Variants in GTF3C5 observed in about 807,000 individuals in gnomAD.
GTF3C5 encodes general transcription factor IIIC subunit 5, also known as general transcription factor 3C polypeptide 5.
A neutral mutation model predicts 61.0 loss-of-function variants in GTF3C5; 47 were observed. The ratio of observed to expected loss-of-function variants is 0.77; its 90% confidence interval spans 0.61 to 0.98. The LOEUF is 0.98. Among genes scored for constraint, GTF3C5 ranks in the 50% least tolerant of loss-of-function variants. The pLI, the probability that GTF3C5 is intolerant of heterozygous loss-of-function variation, is 0.00. For missense variants in GTF3C5, 659 were observed against 703.3 expected (o/e 0.94, Z 0.71); for synonymous variants, 295 against 275.4 (o/e 1.07, Z -0.71).
At position 133,042,156 on chromosome 9, in the gene GTF3C5, T is replaced by C; in HGVS notation, c.223T>C (p.Cys75Arg). The C allele has an allele frequency of 6.2e-7, 1 of 1,613,982 alleles. No individual in the cohort carries two copies. The highest frequency in any genetic ancestry group is 2.2e-5 in the East Asian group (1 of 44,882). ...RPKDPYCHPV[C>R]ANRFSTSSLL... ...CAAGGACCCATACTGCCACCCAGTG[T>C]GCGCCAACCGCTTCAGTACCAGCAG... The change falls in exon 2 of 11, where the codon TGC becomes CGC. Residue 75 changes from cysteine to arginine, a missense_variant. Physicochemically the swap from Cys to Arg is radical, Grantham distance 180. Coordinates refer to ENST00000372097, the MANE Select transcript of GTF3C5 (RefSeq NM_012087.4).
At chr9:133,038,580 AG>A (rs2118982237) in intron 1 of GTF3C5, among the ~76,000 whole-genome samples, 1 of 150,070 alleles carries the variant, frequency 6.7e-6, no homozygotes, top group South Asian at 2.1e-4. Flanking sequence ...CCTCCTGAGT[AG>A]CTGGGATTAT....
In GTF3C5 at chr9:133,054,915, C is replaced by T. The variant is rs771864686; in HGVS notation, c.1167+106C>T. ...CTGTGATTAGGGCAGCTCTGCCCACCGGGGCCTCGGCACCTTGCTTCCTTT... is the reference window on the plus strand; with the variant it reads ...CTGTGATTAGGGCAGCTCTGCCCACTGGGGCCTCGGCACCTTGCTTCCTTT... On this transcript the variant is annotated intron_variant, in intron 8 of 10. Transcript: ENST00000372097. 256 of 1,544,092 alleles carry T rather than the reference C, an allele frequency of 1.7e-4. No individual in the cohort carries two copies. In the African/African-American group the frequency reaches 2.1e-3, roughly 13 times the overall value.
rs907412377 is a variant in GTF3C5 at position 133,058,322 on chromosome 9, C to G, written c.*342C>G. Reference sequence around the variant, plus strand: ...GTGGAGCTGGGCAGCTGTGGAGCCCCAGGCCACAGGCCAGTCTCGCTTGGC... The same window carrying G: ...GTGGAGCTGGGCAGCTGTGGAGCCCGAGGCCACAGGCCAGTCTCGCTTGGC... On this transcript the variant is annotated 3_prime_UTR_variant, in exon 11 of 11. Coordinates refer to ENST00000372097, the MANE Select transcript of GTF3C5 (RefSeq NM_012087.4). 9 of 261,046 alleles carry G rather than the reference C, an allele frequency of 3.4e-5. No individual in the cohort carries two copies. The highest frequency in any genetic ancestry group is 2.1e-4 in the African/African-American group (9 of 43,608). 16.2% of individuals were successfully genotyped at this position (261,046 alleles called of 1,614,324 possible).
At position 133,049,384 on chromosome 9, in the gene GTF3C5, G is replaced by A. The variant is rs193108453; in HGVS notation, c.573-1399G>A. Among the ~76,000 whole-genome samples the A allele has an allele frequency of 5.0e-3, 757 of 152,338 alleles. 7 individuals are homozygous for A. The highest frequency in any genetic ancestry group is 0.017 in the African/African-American group (715 of 41,578). ...CACTTTAAAAAGAAGGCCCAGGCTC[G>A]ATCCCGTCTTTCTAGTTTTGTTTCA... On this transcript the variant is annotated intron_variant, in intron 3 of 10. Transcript: ENST00000372097.
chr9:133,048,224 A>G (rs1315571536), intron 3 of GTF3C5, among the ~76,000 whole-genome samples: 3 of 152,210 alleles, frequency 2.0e-5, no homozygotes, highest in African/African-American at 7.2e-5. Flanking sequence ...CAGACTGGGC[A>G]CGGTGGCTCA....
intron 1 of GTF3C5, among the ~76,000 whole-genome samples, chr9:133,033,923 G>C (rs1734378631): frequency 6.6e-6 from 1 of 152,178 alleles, no homozygotes; most frequent in African/African-American, 2.4e-5. Context: ...CACTGGGCCT[G>C]ATATGTTTGG....
At chr9:133,031,194 T>A (rs1361101443) in intron 1 of GTF3C5, 30 bp downstream of exon 1, 14 of 1,528,290 alleles carry the variant, frequency 9.2e-6, no homozygotes, top group African/African-American at 1.4e-5. Context: ...GGTGTTGGAA[T>A]AAGAGCTCGG....
At chr9:133,055,001 G>A in intron 8 of GTF3C5, 192 bp downstream of exon 8, 1 of 1,551,718 alleles carries the variant, frequency 6.4e-7, no homozygotes, top group Non-Finnish European at 8.7e-7. Context: ...GGCTGTGTGT[G>A]TTGGGGACAT....
chr9:133,031,182 T>C lies in GTF3C5; in HGVS notation c.153+18T>C. On this transcript the variant is annotated intron_variant, in intron 1 of 10. Transcript: ENST00000372097. The stretch of plus-strand genomic sequence containing the variant: ...TCTCCCGGGTAAGGGGCTGGGAATC[T>C]CGGTGTTGGAATAAGAGCTCGGAGT... 1 of 1,549,142 alleles carries C rather than the reference T, an allele frequency of 6.5e-7. No homozygotes were observed. Among genetic ancestry groups the C allele is most frequent in the Non-Finnish European group, 8.7e-7 (1 of 1,147,126 alleles).
At chr9:133,038,443 C>T (rs1849940251) in intron 1 of GTF3C5, among the ~76,000 whole-genome samples, 1 of 149,550 alleles carries the variant, frequency 6.7e-6, no homozygotes, top group African/African-American at 2.5e-5. Flanking sequence ...GGGGAGACCC[C>T]TAGGAGCTTT....
rs1445676173 is a variant in GTF3C5 at position 133,057,806 on chromosome 9, G to T, written c.1394-8G>T. 2 of 1,590,436 alleles carry T rather than the reference G, an allele frequency of 1.3e-6. No homozygotes were observed. Among genetic ancestry groups the T allele is most frequent in the Non-Finnish European group, 1.7e-6 (2 of 1,168,104 alleles). On this transcript the variant is annotated splice_polypyrimidine_tract_variant and splice_region_variant and intron_variant, in intron 10 of 10. Transcript: ENST00000372097. Reference sequence around the variant, plus strand: ...GGACACCCATGGCCTTGTCTCCTCCGGCCCCAGCTCTCTTTTCCAGCTCAG... The same window carrying T: ...GGACACCCATGGCCTTGTCTCCTCCTGCCCCAGCTCTCTTTTCCAGCTCAG...
At chr9:133,057,658 T>TG (rs1829978720) in intron 10 of GTF3C5, among the ~76,000 whole-genome samples, 156 bp from the exon 11 acceptor site, 1 of 151,978 alleles carries the variant, frequency 6.6e-6, no homozygotes, top group African/African-American at 2.4e-5. Context: ...ACAGCTTCCC[T>TG]GGGGGGCCTC....
In GTF3C5 at chr9:133,058,072, G is replaced by T. The variant is rs1029512582; in HGVS notation, c.*92G>T. The stretch of plus-strand genomic sequence containing the variant: ...CTCCCCATTGCCACCCACAGTGCCC[G>T]GAATGGCCCTAGGAGGCCCTCTGAG... On this transcript the variant is annotated 3_prime_UTR_variant, in exon 11 of 11. Transcript: ENST00000372097. 6.3e-7 allele frequency: 1 copy of T among 1,579,276 alleles called. No individual in the cohort carries two copies. The highest frequency in any genetic ancestry group is 1.9e-5 in the Admixed American group (1 of 53,766).
At chr9:133,030,825 C>G, upstream of GTF3C5, 1 of 700,176 alleles carries the variant, frequency 1.4e-6, no homozygotes, top group Non-Finnish European at 2.6e-6. Context: ...GTCGTTTTCC[C>G]GAAGACATGG....
intron 1 of GTF3C5, among the ~76,000 whole-genome samples, chr9:133,041,544 A>G (rs553484501): frequency 1.3e-3 from 191 of 152,278 alleles, no homozygotes; most frequent in African/African-American, 4.4e-3. Context: ...GACCTTACCT[A>G]TCATTGGAGA....
rs138342612 is a variant in GTF3C5 at position 133,043,849 on chromosome 9, G to A, written c.495G>A (p.Pro165=). The change falls in exon 3 of 11, where the codon CCG becomes CCA. Residue 165 remains proline, a synonymous_variant. Transcript: ENST00000372097. ...EKEAFFHQEL[P]LYIPPPIFSR... ...AGGCCTTTTTCCACCAGGAGCTGCC[G>A]CTCTACATCCCCCCACCCATCTTCT... 97 of 1,613,858 alleles carry A rather than the reference G, an allele frequency of 6.0e-5. No individual in the cohort carries two copies. The African/African-American group carries it at 1.0e-3, about 17-fold the overall frequency.
chr9:133,038,371 G>T (rs921161072), intron 1 of GTF3C5, among the ~76,000 whole-genome samples: 7 of 151,906 alleles, frequency 4.6e-5, no homozygotes, highest in Admixed American at 2.6e-4. Flanking sequence ...GCAGGGCTTT[G>T]GTATCTGTAA....
rs147553955 is a variant in GTF3C5 at position 133,042,193 on chromosome 9, G to T, written c.260G>T (p.Arg87Leu). The T allele has an allele frequency of 5.2e-5, 84 of 1,613,510 alleles. No homozygotes were observed. The South Asian group carries it at 7.7e-4, about 15-fold the overall frequency. The change falls in exon 2 of 11, where the codon CGC becomes CTC. Residue 87 changes from arginine (R) to leucine (L), a missense_variant. Transcript: ENST00000372097. ...NRFSTSSLLL[R>L]IRKRTRRQKG... ...TTCAGTACCAGCAGCCTGCTGCTCC[G>T]CATCAGGAAGAGAACGAGGCGGCAG...
At chr9:133,051,893 A>G (rs1850391881) in intron 4 of GTF3C5, 167 bp from the exon 5 acceptor site, 2 of 471,692 alleles carry the variant, frequency 4.2e-6, no homozygotes, top group Admixed American at 8.3e-5. Context: ...GAAGGGATGA[A>G]TTAGTGAGAG....
Sources: gnomAD v4.1 joint callset for allele counts (sites outside exome capture counted in the v4.1 genomes callset) on GRCh38, gnomAD v4.1.1 for gene constraint, MANE v1.5 for transcripts, NCBI Gene and HGNC (gene_info 2026-07-23, HGNC 2026-07-21) for gene names.